Variants in DDB1 observed in about 807,000 individuals in gnomAD.
The protein encoded by DDB1 is damage specific DNA binding protein 1.
Under a neutral mutation model 133.1 loss-of-function variants are expected in DDB1, and 18 were observed. The observed-to-expected ratio is 0.14, with a 90% CI of 0.09 to 0.20. The LOEUF (loss-of-function observed/expected upper bound fraction) is 0.20. Among genes scored for constraint, DDB1 ranks in the 10% least tolerant of loss-of-function variants. The probability of loss-of-function intolerance (pLI) is 1.00; values close to 1 mark genes in which losing one functional copy is unlikely to be tolerated. For missense variants in DDB1, 828 were observed against 1,459.2 expected, an observed-to-expected ratio of 0.57 and a Z score of 7.05; for synonymous variants, 580 against 550.5, an observed-to-expected ratio of 1.05 and a Z score of -0.75.
intron 8 of DDB1, 39 bp from the exon 9 acceptor site, chr11:61,322,451 C>G: frequency 6.9e-7 from 1 of 1,438,862 alleles, no homozygotes; most frequent in South Asian, 1.1e-5. Flanking sequence ...TCCTAGAACA[C>G]CCTAACAGAC....
intron 22 of DDB1, 145 bp from the exon 23 acceptor site, chr11:61,303,300 G>A (rs1311763308): frequency 5.6e-6 from 4 of 715,110 alleles, no homozygotes; most frequent in Admixed American, 2.5e-5. Context: ...CACCCTAGAG[G>A]GATTCTCCCC....
At chr11:61,315,309 T>C (rs947129770) in intron 12 of DDB1, 5 of 152,250 alleles carry the variant, frequency 3.3e-5, no homozygotes, top group African/African-American at 9.6e-5. Flanking sequence ...TTGGTGACAC[T>C]GTTATCTATT....
Position 61,304,032 on chromosome 11 carries a change from G to A in DDB1, c.2665C>T (p.Arg889Trp). Reference protein sequence around the residue: ...KLLASINSTVRLYEWTTEKEL... With the variant: ...KLLASINSTVWLYEWTTEKEL... ...TTCTCTGTTGTCCACTCATAGAGCC[G>A]CACCTGGGAAGGGCATTGTCTCTCT... The change falls in exon 22 of 27, where the codon CGG becomes TGG. Residue 889 changes from arginine to tryptophan, a missense_variant. Coordinates refer to ENST00000301764, the MANE Select transcript of DDB1 (RefSeq NM_001923.5). 3 of 1,613,794 alleles carry A rather than the reference G, an allele frequency of 1.9e-6. No homozygotes were observed. The highest frequency in any genetic ancestry group is 1.7e-4 in the Middle Eastern group (1 of 5,840).
rs55647038 is a variant in DDB1, at chr11:61,313,462, T to C, written c.2069+37A>G. ...GAGGAAAACATCATGACCCCCTCAA[T>C]CAATAGCTCTCATTAAATAAGGAAA... On this transcript the variant is annotated intron_variant, in intron 16 of 26. Coordinates refer to ENST00000301764, the MANE Select transcript of DDB1 (RefSeq NM_001923.5). 238 of 1,576,590 alleles carry C rather than the reference T, an allele frequency of 1.5e-4. No homozygotes were observed. In the East Asian group the frequency reaches 5.2e-3, roughly 35 times the overall value.
chr11:61,303,812 C>A, intron 22 of DDB1, 53 bp downstream of exon 22: 1 of 1,596,576 alleles, frequency 6.3e-7, no homozygotes, highest in East Asian at 2.2e-5. Context: ...GAGACACTTG[C>A]AGGGGCGGTG....
chr11:61,332,697 G>A (rs1036450975), intron 1 of DDB1: 1 of 431,706 alleles, frequency 2.3e-6, no homozygotes, highest in East Asian at 3.6e-5. Flanking sequence ...GGACGAAAGG[G>A]GACCCTCGAG....
At chr11:61,305,627 A>G (rs1004689427) in intron 21 of DDB1, among the ~76,000 whole-genome samples, 2 of 152,130 alleles carry the variant, frequency 1.3e-5, no homozygotes, top group African/African-American at 4.8e-5. Context: ...CTCCAACAGA[A>G]AGAGTGAAGC....
Position 61,302,302 on chromosome 11 carries a change from C to T in DDB1, c.3170G>A (p.Arg1057Gln). ...WYNLLLDMQN[R>Q]LNKVIKSVGK... ...CACACTTTTGATGACTTTATTGAGT[C>T]GATTCTGCATGTCCAGCAGGAGGTT... The change falls in exon 25 of 27, where the codon CGA becomes CAA. Residue 1057 changes from arginine (R) to glutamine (Q), a missense_variant. Arg to Gln is a conservative substitution (Grantham distance 43). Coordinates refer to ENST00000301764, the MANE Select transcript of DDB1 (RefSeq NM_001923.5). 1.9e-6 allele frequency: 3 copies of T among 1,614,142 alleles called. No homozygotes were observed. Among genetic ancestry groups the T allele is most frequent in the Non-Finnish European group, 2.5e-6 (3 of 1,180,020 alleles).
intron 10 of DDB1, among the ~76,000 whole-genome samples, chr11:61,316,951 A>C (rs1480501416): frequency 2.6e-4 from 2 of 7,576 alleles, no homozygotes; most frequent in South Asian, 3.4e-3. Flanking sequence ...GGATAGATAT[A>C]TATATATATA....
intron 9 of DDB1, 103 bp from the exon 10 acceptor site, chr11:61,321,800 T>G: frequency 1.0e-6 from 1 of 1,002,530 alleles, no homozygotes; most frequent in African/African-American, 1.6e-5. Flanking sequence ...CAAGAACCTT[T>G]ATTGTGGGGC....
chr11:61,318,029 C>T (rs1240928612), intron 10 of DDB1, among the ~76,000 whole-genome samples: 4 of 152,170 alleles, frequency 2.6e-5, no homozygotes, highest in Non-Finnish European at 5.9e-5. Flanking sequence ...GCCCACTATG[C>T]AACACTAAGC....
At chr11:61,330,200 TG>T in intron 2 of DDB1, 126 bp from the exon 3 acceptor site, 1 of 698,308 alleles carries the variant, frequency 1.4e-6, no homozygotes, top group Non-Finnish European at 2.4e-6. Flanking sequence ...AGAAAATACA[TG>T]GTGAGCTTGT....
rs779141182 is a variant in DDB1, at chr11:61,303,075, G to T, written c.2913C>A (p.Ala971=). The T allele has an allele frequency of 5.6e-6, 9 of 1,614,004 alleles. No homozygotes were observed. Among genetic ancestry groups the T allele is most frequent in the Admixed American group, 5.0e-5 (3 of 59,996 alleles). The part of the protein sequence containing the change: ...DDDNFLGAEN[A]FNLFVCQKDS... ...CCTTTTGACACACAAACAAGTTAAA[G>T]GCATTTTCAGCCCCCAGAAAATTGT... Residue 971 remains alanine (A), a synonymous_variant, in exon 23 of 27, where the codon GCC becomes GCA. Transcript: ENST00000301764.
At chr11:61,327,889 C>T (rs565288350) in intron 4 of DDB1, among the ~76,000 whole-genome samples, 4 of 152,370 alleles carry the variant, frequency 2.6e-5, no homozygotes, top group African/African-American at 7.2e-5. Context: ...ATACCTTTCA[C>T]ATAGCACTAA....
rs781703104 is a variant in DDB1 at position 61,313,814 on chromosome 11, T to C, written c.1861+48A>G. 17 of 1,607,512 alleles carry C rather than the reference T, an allele frequency of 1.1e-5. No individual in the cohort carries two copies. In the Admixed American group the frequency reaches 2.0e-4, roughly 19 times the overall value. ...TGGGACTAAGAATTCTGTGTAATTC[T>C]AATACTCTATTTTTGAAAGAGTCCC... is the stretch of plus-strand genomic sequence containing the variant. On this transcript the variant is annotated intron_variant, in intron 15 of 26. Transcript: ENST00000301764.
At position 61,332,985 on chromosome 11, in the gene DDB1, G is replaced by A; in HGVS notation, c.-17C>T. The A allele has an allele frequency of 6.7e-7, 1 of 1,498,422 alleles. No individual in the cohort carries two copies. The highest frequency in any genetic ancestry group is 9.0e-7 in the Non-Finnish European group (1 of 1,115,312). 92.8% of individuals were successfully genotyped at this position (1,498,422 alleles called of 1,614,324 possible). On this transcript the variant is annotated 5_prime_UTR_variant, in exon 1 of 27. Transcript: ENST00000301764. ...GTACGACATGTCGAGGCTTGGAGCG[G>A]CCCGTCGGGACTCGAGCGCGACACT... is the stretch of plus-strand genomic sequence containing the variant.
At chr11:61,315,650 GAGAGAGTGCTAA>G (rs1162716302) in intron 12 of DDB1, 1 of 152,500 alleles carries the variant, frequency 6.6e-6, no homozygotes, top group African/African-American at 2.4e-5. Context: ...AGAAGGTAAG[GAGAGAGTGCTAA>G]AAGCTGAAGG....
At chr11:61,316,948 T>TAGATAG (rs1421805276) in intron 10 of DDB1, among the ~76,000 whole-genome samples, 1 of 4,002 alleles carries the variant, frequency 2.5e-4, no homozygotes, top group Non-Finnish European at 4.5e-4. Flanking sequence ...AAAGGATAGA[T>TAGATAG]ATATATATAT....
chr11:61,321,947 C>G (rs879668300), intron 9 of DDB1: 1 of 548,078 alleles, frequency 1.8e-6, no homozygotes, highest in Non-Finnish European at 3.2e-6. Context: ...TCGCTGGGAC[C>G]TAGTTTACTA....
Sources: allele counts gnomAD v4.1 joint callset (sites outside exome capture counted in the v4.1 genomes callset), GRCh38; gene constraint gnomAD v4.1.1; transcripts MANE v1.5; gene names NCBI Gene and HGNC (gene_info 2026-07-23, HGNC 2026-07-21).